MRTFA: variants seen among roughly 807,000 people sequenced by gnomAD.
MRTFA encodes myocardin-related transcription factor A.
A neutral mutation model predicts 83.5 loss-of-function variants in MRTFA; 20 were observed. The observed-to-expected ratio is 0.24, with a 90% CI of 0.17 to 0.35. The LOEUF is 0.35. Among genes scored for constraint, MRTFA ranks in the 10% least tolerant of loss-of-function variants. The pLI is 1.00. For synonymous variants in MRTFA, 659 were observed against 541.2 expected, an observed-to-expected ratio of 1.22 and a Z score of -3.02; for missense variants, 1,200 against 1,224.7, an observed-to-expected ratio of 0.98 and a Z score of 0.30.
intron 4 of MRTFA, 24 bp from the exon 5 acceptor site, chr22:40,435,578 A>G: frequency 6.2e-7 from 1 of 1,613,204 alleles, no homozygotes; most frequent in Non-Finnish European, 8.5e-7. Flanking sequence ...AACCGTAAAG[A>G]TTACCTTCAA....
At chr22:40,415,765 C>G (rs1248066396) in intron 14 of MRTFA, among the ~76,000 whole-genome samples, 1 of 152,110 alleles carries the variant, frequency 6.6e-6, no homozygotes, top group African/African-American at 2.4e-5. Context: ...CTACGGCCAC[C>G]CCCACCCTGC....
chr22:40,539,934 G>A (rs984209625), intron 3 of MRTFA, among the ~76,000 whole-genome samples: 1 of 137,674 alleles, frequency 7.3e-6, no homozygotes, highest in African/African-American at 2.8e-5. Context: ...TTCCCAGACA[G>A]GGTCTCACTC....
chr22:40,534,296 T>G (rs934855046), intron 3 of MRTFA, among the ~76,000 whole-genome samples: 4 of 152,200 alleles, frequency 2.6e-5, no homozygotes, highest in South Asian at 4.1e-4. Flanking sequence ...CCACCCCCAC[T>G]CCAATTAAAA....
chr22:40,633,009 CTT>C (rs1282282151), intron 1 of MRTFA, among the ~76,000 whole-genome samples: 3 of 152,160 alleles, frequency 2.0e-5, no homozygotes, highest in Admixed American at 2.0e-4. Flanking sequence ...GGGTCATTCT[CTT>C]TGTTCAATGT....
chr22:40,423,763 GTCC>G, intron 8 of MRTFA, 78 bp from the exon 9 acceptor site: 2 of 1,306,694 alleles, frequency 1.5e-6, no homozygotes, highest in Non-Finnish European at 2.0e-6. Flanking sequence ...CCTACACAGG[GTCC>G]TCAGACGCCA....
chr22:40,550,767 A>G (rs1157866938), intron 3 of MRTFA, among the ~76,000 whole-genome samples: 2 of 152,156 alleles, frequency 1.3e-5, no homozygotes, highest in African/African-American at 2.4e-5. Context: ...TCCAGGGGTA[A>G]TGAAGATTTA....
chr22:40,484,664 T>G (rs2054145469), intron 3 of MRTFA, among the ~76,000 whole-genome samples: 1 of 152,202 alleles, frequency 6.6e-6, no homozygotes, highest in Non-Finnish European at 1.5e-5. Flanking sequence ...AGAACTTAAA[T>G]AAATGCCTTT....
chr22:40,499,729 T>G (rs1028460361), intron 3 of MRTFA, among the ~76,000 whole-genome samples: 19 of 152,298 alleles, frequency 1.2e-4, no homozygotes, highest in South Asian at 8.3e-4. Flanking sequence ...TTAAAGATTT[T>G]GAAGGCATAC....
rs55808950 is a variant in MRTFA, at chr22:40,489,971, C to CAAA, written c.242-26688_242-26686dup. Among the ~76,000 whole-genome samples the CAAA allele has an allele frequency of 1.7e-4, 18 of 105,872 alleles. 4 individuals are homozygous for CAAA. Among genetic ancestry groups the CAAA allele is most frequent in the Admixed American group, 4.4e-4 (4 of 9,048 alleles). The allele number at this position is 105,872 out of a possible 152,430, so 69.5% of individuals were successfully genotyped here. A position where few individuals can be genotyped will look rare whatever the true frequency, so the allele number is the denominator to read the frequency against. On this transcript the variant is annotated intron_variant, in intron 3 of 14. Transcript: ENST00000355630. ...TGGGAGACAAAGCATGACTCTGTCG[C>CAAA]AAAAAAAAAAAAAAAAATCAGAAAA...
Position 40,552,175 on chromosome 22 carries a change from G to T in MRTFA, c.172C>A (p.Pro58Thr). ...GGGTGGAGGCCTAGGGTCAGCTCGG[G>T]CTGCAAGGAGAGCTCCTGCAGTTCA... The change falls in exon 3 of 15, where the codon CCC becomes ACC. Residue 58 changes from proline (P) to threonine (T), a missense_variant. Physicochemically the swap from Pro to Thr is conservative, Grantham distance 38. Coordinates refer to ENST00000355630, the MANE Select transcript of MRTFA (RefSeq NM_020831.6). 1 of 399,000 alleles carries T rather than the reference G, an allele frequency of 2.5e-6. No individual in the cohort carries two copies. Among genetic ancestry groups the T allele is most frequent in the East Asian group, 3.6e-5 (1 of 28,070 alleles). The allele number at this position is 399,000 out of a possible 1,614,324, so 24.7% of individuals were successfully genotyped here.
In MRTFA at chr22:40,411,455, TGGGGGCTGTGGTGCTGAG is replaced by T. The variant is rs762612664; in HGVS notation, c.3013_3030del (p.Leu1005_Pro1010del). On this transcript the variant is annotated inframe_deletion, in exon 15 of 15. Transcript: ENST00000355630. ...TCGAGGAAGTCTGTGGAGAAGAGGC[TGGGGGCTGTGGTGCTGAG>T]GGGGGCTAGGCTCAGCACGGGACCA... The T allele has an allele frequency of 1.9e-6, 3 of 1,598,042 alleles. No individual in the cohort carries two copies. The highest frequency in any genetic ancestry group is 1.7e-5 in the Admixed American group (1 of 59,552).
rs1378531952 is a variant in MRTFA at position 40,636,648 on chromosome 22, T to C, written c.-254A>G. ...CAAGAGGGTGGGAAAGATGGGACCG[T>C]CGCTCTCGCCGCCGCGGCCACCACA... is the stretch of plus-strand genomic sequence containing the variant. On this transcript the variant is annotated 5_prime_UTR_variant, in exon 1 of 15. Transcript: ENST00000355630. The C allele has an allele frequency of 6.6e-6, 1 of 152,304 alleles. No homozygotes were observed. The highest frequency in any genetic ancestry group is 1.9e-4 in the East Asian group (1 of 5,148). The allele number at this position is 152,304 out of a possible 1,614,324, so 9.4% of individuals were successfully genotyped here.
At chr22:40,456,778 T>C (rs2053593225) in intron 4 of MRTFA, among the ~76,000 whole-genome samples, 1 of 152,226 alleles carries the variant, frequency 6.6e-6, no homozygotes, top group South Asian at 2.1e-4. Flanking sequence ...CGGCTCAGCC[T>C]ATCATAAAAT....
At chr22:40,608,502 T>C (rs1191822518) in intron 1 of MRTFA, among the ~76,000 whole-genome samples, 1 of 152,218 alleles carries the variant, frequency 6.6e-6, no homozygotes, top group Non-Finnish European at 1.5e-5. Context: ...ATAATTACAG[T>C]GCACCAGGTG....
chr22:40,471,651 G>A (rs1274191291), intron 3 of MRTFA, among the ~76,000 whole-genome samples: 2 of 152,172 alleles, frequency 1.3e-5, no homozygotes, highest in African/African-American at 4.8e-5. Context: ...GGGAGGCCCA[G>A]GTAGGCGGAT....
At chr22:40,529,097 T>C (rs1429383972) in intron 3 of MRTFA, among the ~76,000 whole-genome samples, 1 of 152,144 alleles carries the variant, frequency 6.6e-6, no homozygotes, top group Non-Finnish European at 1.5e-5. Flanking sequence ...ATTAACATAC[T>C]ATCAAAAAGG....
chr22:40,570,849 G>A (rs1416226172), intron 2 of MRTFA, among the ~76,000 whole-genome samples: 4 of 151,446 alleles, frequency 2.6e-5, no homozygotes, highest in Non-Finnish European at 4.4e-5. Context: ...TTTAAAGCCA[G>A]TGTTATTTTA....
intron 1 of MRTFA, among the ~76,000 whole-genome samples, chr22:40,603,091 T>C (rs2056278840): frequency 6.6e-6 from 1 of 152,202 alleles, no homozygotes; most frequent in Non-Finnish European, 1.5e-5. Flanking sequence ...CAACTTTAAC[T>C]TCCAGAATAA....
intron 3 of MRTFA, among the ~76,000 whole-genome samples, chr22:40,464,850 G>C (rs1273953056): frequency 6.6e-6 from 1 of 151,922 alleles, no homozygotes; most frequent in Non-Finnish European, 1.5e-5. Context: ...ATCTTTCCCA[G>C]TATTTTTTAA....
Sources: gnomAD v4.1 joint callset for allele counts (sites outside exome capture counted in the v4.1 genomes callset) on GRCh38, gnomAD v4.1.1 for gene constraint, MANE v1.5 for transcripts, NCBI Gene and HGNC (gene_info 2026-07-23, HGNC 2026-07-21) for gene names.